SLC39A11: variants seen among roughly 807,000 people sequenced by gnomAD.
SLC39A11 encodes zinc transporter ZIP11.
In SLC39A11, 33 loss-of-function variants were observed where a neutral mutation model predicts 36.1. The ratio of observed to expected loss-of-function variants is 0.91; its 90% confidence interval spans 0.69 to 1.22. SLC39A11 has a LOEUF of 1.22. Ranked by LOEUF, SLC39A11 falls within the 50% of genes most tolerant of loss-of-function variation. The pLI, the probability that SLC39A11 is intolerant of heterozygous loss-of-function variation, is 0.00. For missense variants in SLC39A11, 432 were observed against 430.3 expected, an observed-to-expected ratio of 1.00 and a Z score of -0.03; for synonymous variants, 166 against 170.3, an observed-to-expected ratio of 0.97 and a Z score of 0.20.
At chr17:72,683,463 G>A (rs1227806573) in intron 7 of SLC39A11, among the ~76,000 whole-genome samples, 1 of 151,784 alleles carries the variant, frequency 6.6e-6, no homozygotes, top group East Asian at 1.9e-4. Context: ...AGCCCCTAGG[G>A]TAGCTGGGAC....
rs1567991975 is a variant in SLC39A11 at position 72,727,669 on chromosome 17, AAAAG to A, written c.671+8977_671+8980del. 8.0e-5 allele frequency among the ~76,000 whole-genome samples: 12 copies of A among 149,468 alleles called. 1 individual carries two copies. In the South Asian group the frequency reaches 1.2e-3, roughly 16 times the overall value. On this transcript the variant is annotated intron_variant, in intron 7 of 9. Coordinates refer to ENST00000255559, the MANE Select transcript of SLC39A11 (RefSeq NM_139177.4). The stretch of plus-strand genomic sequence containing the variant: ...TCCGTCTCAAAAAAAAAAAAAAAAA[AAAAG>A]AAAGAAGCAAGCTGTGTTTCCCTTG...
intron 6 of SLC39A11, among the ~76,000 whole-genome samples, chr17:72,777,508 G>A (rs376425343): frequency 3.3e-5 from 5 of 152,112 alleles, no homozygotes; most frequent in East Asian, 1.9e-4. Flanking sequence ...AACGAAAACC[G>A]AAACCCAGAG....
Position 72,780,526 on chromosome 17 carries a change from GC to G in SLC39A11, c.602-43808del, listed in dbSNP as rs765413760. Among the ~76,000 whole-genome samples, 607 of 112,936 alleles carry G rather than the reference GC, an allele frequency of 5.4e-3. 37 individuals are homozygous for G. The highest frequency in any genetic ancestry group is 8.7e-3 in the Middle Eastern group (2 of 230). The allele number at this position is 112,936 out of a possible 152,430, so 74.1% of individuals were successfully genotyped here. A position where few individuals can be genotyped will look rare whatever the true frequency, so the allele number is the denominator to read the frequency against. Reference sequence around the variant, plus strand: ...GTGCTAAGGGCCCTGAAGATGGGGGGCGGGTGGGGGCACAACTGTGTGTCTG... The same window carrying G: ...GTGCTAAGGGCCCTGAAGATGGGGGGGGGTGGGGGCACAACTGTGTGTCTG... On this transcript the variant is annotated intron_variant, in intron 6 of 9. Transcript: ENST00000255559.
At chr17:72,884,153 C>A (rs1490244958) in intron 5 of SLC39A11, among the ~76,000 whole-genome samples, 1 of 150,362 alleles carries the variant, frequency 6.7e-6, no homozygotes, top group Non-Finnish European at 1.5e-5. Context: ...GGCTCTGTCT[C>A]CAAAAAAAAG....
At chr17:72,926,703 A>G (rs1268418782) in intron 5 of SLC39A11, among the ~76,000 whole-genome samples, 1 of 151,942 alleles carries the variant, frequency 6.6e-6, no homozygotes. Context: ...CGTTTGCCAG[A>G]TGAGTTCTGC....
chr17:72,900,639 G>A (rs1447808318), intron 5 of SLC39A11, among the ~76,000 whole-genome samples: 1 of 148,858 alleles, frequency 6.7e-6, no homozygotes, highest in Non-Finnish European at 1.5e-5. Flanking sequence ...AAGAGTGGGG[G>A]CAAAGGGATT....
rs537540872 is a variant in SLC39A11 at position 72,718,593 on chromosome 17, G to A, written c.671+18057C>T. On this transcript the variant is annotated intron_variant, in intron 7 of 9. Coordinates refer to ENST00000255559, the MANE Select transcript of SLC39A11 (RefSeq NM_139177.4). ...AGACCTTGGGGTCACAGCCAGGCAC[G>A]TCACTTAACAGCAGAGTGATAATTA... Among the ~76,000 whole-genome samples the A allele has an allele frequency of 2.3e-4, 35 of 152,302 alleles. 2 individuals carry two copies. In the South Asian group the frequency reaches 6.6e-3, roughly 29 times the overall value.
intron 6 of SLC39A11, among the ~76,000 whole-genome samples, chr17:72,838,828 T>C (rs2078683866): frequency 6.6e-6 from 1 of 152,126 alleles, no homozygotes; most frequent in South Asian, 2.1e-4. Context: ...TCACTGTGAA[T>C]TGGCTCATCA....
chr17:72,732,158 AG>A (rs1422635008), intron 7 of SLC39A11, among the ~76,000 whole-genome samples: 1 of 144,722 alleles, frequency 6.9e-6, no homozygotes, highest in African/African-American at 2.6e-5. Flanking sequence ...CTGGGATCAA[AG>A]GCACCTACCA....
intron 6 of SLC39A11, among the ~76,000 whole-genome samples, chr17:72,827,671 A>G (rs555806290): frequency 4.6e-5 from 7 of 152,336 alleles, no homozygotes; most frequent in African/African-American, 1.7e-4. Flanking sequence ...GAAAAATGCT[A>G]TTGCCTTCAG....
rs542651043 is a variant in SLC39A11, at chr17:73,071,092, A to C, written c.147+13716T>G. On this transcript the variant is annotated intron_variant, in intron 3 of 9. Transcript: ENST00000255559. Reference sequence around the variant, plus strand: ...TTTTAAAGCTCTCTAGGTGATTCTAATGTGCAGCCAGGGTGGAGAAACAAT... The same window carrying C: ...TTTTAAAGCTCTCTAGGTGATTCTACTGTGCAGCCAGGGTGGAGAAACAAT... Among the ~76,000 whole-genome samples, 108 of 152,124 alleles carry C rather than the reference A, an allele frequency of 7.1e-4. 1 individual carries two copies. The highest frequency in any genetic ancestry group is 8.1e-4 in the Non-Finnish European group (55 of 68,020).
At chr17:72,856,524 T>G (rs1221128016) in intron 5 of SLC39A11, among the ~76,000 whole-genome samples, 1 of 152,194 alleles carries the variant, frequency 6.6e-6, no homozygotes, top group Non-Finnish European at 1.5e-5. Context: ...CTTGGCCAAG[T>G]TGGAGTTTTA....
intron 4 of SLC39A11, among the ~76,000 whole-genome samples, chr17:72,972,290 G>A (rs574310726): frequency 6.6e-6 from 1 of 152,154 alleles, no homozygotes; most frequent in Non-Finnish European, 1.5e-5. Context: ...TGGGTGGGAA[G>A]TGAGATGAAG....
chr17:72,965,480 G>T (rs756363012), intron 4 of SLC39A11, among the ~76,000 whole-genome samples: 7 of 152,156 alleles, frequency 4.6e-5, no homozygotes, highest in Admixed American at 6.6e-5. Context: ...ACAATATTCT[G>T]TAAGTTTCAT....
intron 4 of SLC39A11, among the ~76,000 whole-genome samples, chr17:73,022,595 T>TAA (rs10675859): frequency 0.73 from 41,223 of 56,742 alleles, 16,753 homozygotes; most frequent in Non-Finnish European, 0.85. Context: ...AACTCCATCT[T>TAA]AAAAAAAAAA....
chr17:73,088,694 G>A lies in SLC39A11; in HGVS notation c.71C>T (p.Ala24Val). 1 of 1,612,854 alleles carries A rather than the reference G, an allele frequency of 6.2e-7. No individual in the cohort carries two copies. Among genetic ancestry groups the A allele is most frequent in the Non-Finnish European group, 8.5e-7 (1 of 1,179,494 alleles). ...GTFFTWGMTA[A>V]GAALVFVFSS... is the part of the protein sequence containing the mutation. Reference sequence around the variant, plus strand: ...GAATACGAACACGAGAGCTGCCCCAGCTGCTGTCATCCCCCAGGTGAAGAA... The same window carrying A: ...GAATACGAACACGAGAGCTGCCCCAACTGCTGTCATCCCCCAGGTGAAGAA... Residue 24 changes from alanine to valine, a missense_variant, in exon 2 of 10, where the codon GCT (alanine) becomes GTT (valine). Ala to Val is a moderately conservative substitution (Grantham distance 64, BLOSUM62 0). Transcript: ENST00000255559.
intron 2 of SLC39A11, among the ~76,000 whole-genome samples, chr17:73,085,084 T>C (rs72843907): frequency 0.31 from 46,411 of 152,104 alleles, 7,503 homozygotes; most frequent in Middle Eastern, 0.5. Flanking sequence ...TGGCTTGTCT[T>C]GGCCCTTGTG....
intron 7 of SLC39A11, among the ~76,000 whole-genome samples, chr17:72,735,199 C>T (rs2074374770): frequency 6.6e-6 from 1 of 152,164 alleles, no homozygotes; most frequent in African/African-American, 2.4e-5. Flanking sequence ...AGCCCATGCA[C>T]ATATTCGGGG....
At chr17:73,043,663 T>C (rs945058302) in intron 3 of SLC39A11, among the ~76,000 whole-genome samples, 1 of 152,142 alleles carries the variant, frequency 6.6e-6, no homozygotes, top group African/African-American at 2.4e-5. Context: ...GCTGTTGGGC[T>C]CTGGACATAA....
Sources: gnomAD v4.1 joint callset for allele counts (sites outside exome capture counted in the v4.1 genomes callset) on GRCh38, gnomAD v4.1.1 for gene constraint, MANE v1.5 for transcripts, NCBI Gene and HGNC (gene_info 2026-07-23, HGNC 2026-07-21) for gene names.